Variants in IQCM observed in about 807,000 individuals in gnomAD.
The protein encoded by IQCM is IQ domain-containing protein M.
IQCM carries 45 observed loss-of-function variants against 57.6 expected under a neutral mutation model. The ratio of observed to expected loss-of-function variants is 0.78; its 90% CI spans 0.62 to 1.00. The LOEUF (loss-of-function observed/expected upper bound fraction) is 1.00. IQCM is among the 50% of genes least tolerant of loss of function. The pLI is 0.00. For synonymous variants in IQCM, 148 were observed against 158.9 expected, an observed-to-expected ratio of 0.93 and a Z score of 0.51; for missense variants, 468 against 511.6, an observed-to-expected ratio of 0.91 and a Z score of 0.82.
intron 9 of IQCM, among the ~76,000 whole-genome samples, chr4:149,578,948 CCTCT>C (rs1279168252): frequency 6.6e-6 from 1 of 151,780 alleles, no homozygotes; most frequent in African/African-American, 2.4e-5. Context: ...CATGCTTTTG[CCTCT>C]CTATTCACCC....
At chr4:149,495,328 G>A (rs1021913919) in intron 12 of IQCM, among the ~76,000 whole-genome samples, 3 of 152,084 alleles carry the variant, frequency 2.0e-5, no homozygotes, top group African/African-American at 7.2e-5. Flanking sequence ...TTAAATGTGA[G>A]CTAAGCACTA....
chr4:149,586,167 C>T (rs773523403), intron 9 of IQCM, among the ~76,000 whole-genome samples: 8 of 151,614 alleles, frequency 5.3e-5, no homozygotes, highest in East Asian at 3.9e-4. Context: ...TGCAAGAACA[C>T]GAACTGCTTT....
At chr4:149,406,070 AG>A (rs562745842) in intron 13 of IQCM, among the ~76,000 whole-genome samples, 2 of 151,772 alleles carry the variant, frequency 1.3e-5, no homozygotes, top group Non-Finnish European at 2.9e-5. Context: ...TCATTGTAAT[AG>A]CCAAGATTTT....
At chr4:149,398,474 T>C (rs139687287) in intron 13 of IQCM, among the ~76,000 whole-genome samples, 3 of 152,090 alleles carry the variant, frequency 2.0e-5, no homozygotes, top group African/African-American at 7.2e-5. Flanking sequence ...ACAATAAATA[T>C]TATATCTTCC....
At chr4:149,409,645 G>A (rs963759018) in intron 13 of IQCM, among the ~76,000 whole-genome samples, 4 of 152,130 alleles carry the variant, frequency 2.6e-5, no homozygotes, top group African/African-American at 4.8e-5. Context: ...GTGTGCAAAC[G>A]CTTCTGAACA....
At chr4:149,662,573 T>A (rs1419786715) in intron 7 of IQCM, among the ~76,000 whole-genome samples, 1 of 152,038 alleles carries the variant, frequency 6.6e-6, no homozygotes, top group African/African-American at 2.4e-5. Context: ...ATAATATTTA[T>A]ATATTTAGGA....
intron 13 of IQCM, among the ~76,000 whole-genome samples, chr4:149,406,793 A>C (rs567976651): frequency 6.6e-6 from 1 of 152,320 alleles, no homozygotes; most frequent in Admixed American, 6.5e-5. Context: ...CTAGATAATT[A>C]AATTCTAACA....
At chr4:149,486,264 T>G (rs2149764318) in intron 12 of IQCM, among the ~76,000 whole-genome samples, 1 of 152,160 alleles carries the variant, frequency 6.6e-6, no homozygotes, top group South Asian at 2.1e-4. Flanking sequence ...TCCAGAGATG[T>G]TATTTGGAGT....
At chr4:149,709,384 T>G (rs997645351) in intron 5 of IQCM, among the ~76,000 whole-genome samples, 4 of 152,108 alleles carry the variant, frequency 2.6e-5, no homozygotes, top group African/African-American at 9.7e-5. Context: ...CAAAGCACTT[T>G]GTGCCTGCTT....
chr4:149,450,854 T>C (rs1737040690), intron 12 of IQCM, among the ~76,000 whole-genome samples: 1 of 151,832 alleles, frequency 6.6e-6, no homozygotes, highest in African/African-American at 2.4e-5. Flanking sequence ...GCAATCCCAC[T>C]GCTGGGTATA....
chr4:149,637,178 AG>A (rs372791186), intron 7 of IQCM, among the ~76,000 whole-genome samples: 3 of 150,936 alleles, frequency 2.0e-5, no homozygotes, highest in East Asian at 1.9e-4. Flanking sequence ...AAAAAAAAAA[AG>A]AAAGTGAATT....
At chr4:149,424,038 A>T (rs913310690) in intron 13 of IQCM, among the ~76,000 whole-genome samples, 2 of 151,958 alleles carry the variant, frequency 1.3e-5, no homozygotes, top group Non-Finnish European at 2.9e-5. Flanking sequence ...CTGCTATAGT[A>T]ATCCTTCATG....
At chr4:149,462,545 C>G (rs1296505482) in intron 12 of IQCM, among the ~76,000 whole-genome samples, 2 of 152,142 alleles carry the variant, frequency 1.3e-5, no homozygotes, top group African/African-American at 2.4e-5. Flanking sequence ...TAAAACAGTA[C>G]AAAATTGAAG....
At chr4:149,592,926 T>A (rs544928571) in intron 8 of IQCM, among the ~76,000 whole-genome samples, 4 of 152,284 alleles carry the variant, frequency 2.6e-5, no homozygotes, top group South Asian at 2.1e-4. Context: ...CTTAGGATTG[T>A]CTTGGCTATG....
intron 12 of IQCM, among the ~76,000 whole-genome samples, chr4:149,461,233 CAAAAAA>C (rs61429806): frequency 2.8e-5 from 2 of 71,914 alleles, no homozygotes; most frequent in East Asian, 3.8e-4. Context: ...AACTCCATCT[CAAAAAA>C]AAAAAAAAAA....
intron 5 of IQCM, among the ~76,000 whole-genome samples, chr4:149,717,616 C>T (rs1765108743): frequency 6.6e-6 from 1 of 152,034 alleles, no homozygotes; most frequent in Non-Finnish European, 1.5e-5. Context: ...GTTAACTTTG[C>T]TTGATTTACT....
At chr4:149,478,592 G>A (rs1740454716) in intron 12 of IQCM, among the ~76,000 whole-genome samples, 2 of 152,140 alleles carry the variant, frequency 1.3e-5, no homozygotes, top group Admixed American at 6.5e-5. Context: ...TTTGATACCT[G>A]TAGAGTTATG....
intron 12 of IQCM, among the ~76,000 whole-genome samples, chr4:149,499,675 T>C (rs1464718831): frequency 6.6e-6 from 1 of 152,036 alleles, no homozygotes; most frequent in African/African-American, 2.4e-5. Flanking sequence ...AAATGAAAGA[T>C]CTTAAAGACA....
At chr4:149,676,427 G>T (rs1185819968) in intron 7 of IQCM, among the ~76,000 whole-genome samples, 2 of 152,046 alleles carry the variant, frequency 1.3e-5, no homozygotes, top group Non-Finnish European at 2.9e-5. Flanking sequence ...AAATTTATAT[G>T]AATGTAGGAA....
Sources: gnomAD v4.1 joint callset for allele counts (sites outside exome capture counted in the v4.1 genomes callset) on GRCh38, gnomAD v4.1.1 for gene constraint, MANE v1.5 for transcripts, NCBI Gene and HGNC (gene_info 2026-07-23, HGNC 2026-07-21) for gene names.